The following ARVCF variants were observed in gnomAD, a reference collection of about 807,000 sequenced individuals.
ARVCF encodes the protein splicing regulator ARVCF.
Under a neutral mutation model 90.9 loss-of-function variants are expected in ARVCF, and 66 were observed. That is an observed-to-expected ratio of 0.73 (90% confidence interval 0.60 to 0.89). ARVCF has a LOEUF of 0.89. Among genes scored for constraint, ARVCF ranks in the 40% least tolerant of loss-of-function variants. ARVCF has a pLI of 0.00. For synonymous variants in ARVCF, 653 were observed against 603.4 expected (o/e 1.08, Z -1.21); for missense variants, 1,469 against 1,382.3 (o/e 1.06, Z -1.00).
intron 7 of ARVCF, 142 bp from the exon 8 acceptor site, chr22:19,978,217 T>C: frequency 4.4e-6 from 3 of 680,600 alleles, no homozygotes; most frequent in Non-Finnish European, 7.0e-6. Context: ...CCCCACAGTC[T>C]GGAGCTCAGT....
At chr22:19,974,745 C>T (rs1943055137) in intron 11 of ARVCF, among the ~76,000 whole-genome samples, 1 of 152,116 alleles carries the variant, frequency 6.6e-6, no homozygotes, top group South Asian at 2.1e-4. Flanking sequence ...CCACCCTCCC[C>T]CACTGACAAT....
intron 17 of ARVCF, 114 bp downstream of exon 17, chr22:19,972,244 C>G: frequency 6.9e-7 from 1 of 1,452,770 alleles, no homozygotes; most frequent in Non-Finnish European, 9.6e-7. Flanking sequence ...CACCCCTAAA[C>G]CAAATATCTC....
chr22:20,008,464 C>T (rs1004177050), intron 2 of ARVCF, among the ~76,000 whole-genome samples: 1 of 152,244 alleles, frequency 6.6e-6, no homozygotes, highest in Non-Finnish European at 1.5e-5. Flanking sequence ...CCACAGTTGG[C>T]CACTGGTTCC....
chr22:19,970,207 T>G lies in ARVCF; in HGVS notation c.*549A>C. 1.0e-6 allele frequency: 1 copy of G among 989,514 alleles called. No individual in the cohort carries two copies. The highest frequency in any genetic ancestry group is 1.2e-6 in the Non-Finnish European group (1 of 832,262). The allele number at this position is 989,514 out of a possible 1,614,324, so 61.3% of individuals were successfully genotyped here. A position where few individuals can be genotyped will look rare whatever the true frequency, so the allele number is the denominator to read the frequency against. On this transcript the variant is annotated 3_prime_UTR_variant, in exon 20 of 20. Coordinates refer to ENST00000263207, the MANE Select transcript of ARVCF (RefSeq NM_001670.3). Reference sequence around the variant, plus strand: ...GGGCACCTGTAGCCTGACCCCCACCTTGCTGCTTCCAAAGCTTCCTTGCCC... The same window carrying G: ...GGGCACCTGTAGCCTGACCCCCACCGTGCTGCTTCCAAAGCTTCCTTGCCC...
At chr22:20,010,031 C>T (rs932441112) in intron 2 of ARVCF, among the ~76,000 whole-genome samples, 3 of 152,306 alleles carry the variant, frequency 2.0e-5, no homozygotes, top group African/African-American at 4.8e-5. Flanking sequence ...ATCCTCTGTC[C>T]CTGTGGCTCC....
At chr22:19,986,020 C>T (rs1324996455) in intron 3 of ARVCF, among the ~76,000 whole-genome samples, 2 of 152,254 alleles carry the variant, frequency 1.3e-5, no homozygotes, top group Admixed American at 1.3e-4. Flanking sequence ...CAGCCTCTGA[C>T]CAGTCTCCAA....
chr22:19,967,062 C>G, downstream of ARVCF: 1 of 1,219,254 alleles, frequency 8.2e-7, no homozygotes, highest in Non-Finnish European at 1.1e-6. Flanking sequence ...CTTCTTTCCC[C>G]TCTTGACCAG....
Position 19,979,939 on chromosome 22 carries a change from C to G in ARVCF, c.1200G>C (p.Arg400=). 1 of 1,595,146 alleles carries G rather than the reference C, an allele frequency of 6.3e-7. No homozygotes were observed. The highest frequency in any genetic ancestry group is 1.1e-5 in the South Asian group (1 of 88,882). ...GCAGTGCCACAAGCAGCGGCAGCCCCCGCAACTGCCGTACACGCCGCTTGA... is the reference window on the plus strand; with the variant it reads ...GCAGTGCCACAAGCAGCGGCAGCCCGCGCAACTGCCGTACACGCCGCTTGA... ...EGVKRRVRQL[R]GLPLLVALLD... is the part of the protein sequence containing the mutation. The change falls in exon 6 of 20, where the codon CGG becomes CGC. Residue 400 remains arginine (R), a synonymous_variant. Transcript: ENST00000263207.
rs1489544082 is a variant in ARVCF at position 19,982,027 on chromosome 22, T to A, written c.275A>T (p.Glu92Val). The A allele has an allele frequency of 6.2e-7, 1 of 1,612,804 alleles. No homozygotes were observed. The highest frequency in any genetic ancestry group is 1.3e-5 in the African/African-American group (1 of 74,904). The change falls in exon 4 of 20, where the codon GAG (glutamate) becomes GTG (valine). Residue 92 changes from glutamate (E) to valine (V), a missense_variant. Coordinates refer to ENST00000263207, the MANE Select transcript of ARVCF (RefSeq NM_001670.3). ...TMPEAPDVLEETVTVEEDPGT... is the reference protein window; with the variant it reads ...TMPEAPDVLEVTVTVEEDPGT... ...GGGGTCCTCCTCCACCGTCACGGTCTCCTCCAGCACATCAGGTGCCTCCGG... is the reference window on the plus strand; with the variant it reads ...GGGGTCCTCCTCCACCGTCACGGTCACCTCCAGCACATCAGGTGCCTCCGG...
At chr22:19,971,368 T>C (rs1414475315) in intron 18 of ARVCF, 33 bp from the exon 19 acceptor site, 12 of 1,538,380 alleles carry the variant, frequency 7.8e-6, no homozygotes, top group Non-Finnish European at 1.0e-5. Context: ...AGAGGCACAA[T>C]AGAGCAGGTT....
At chr22:19,985,251 C>T (rs1943704351) in intron 3 of ARVCF, among the ~76,000 whole-genome samples, 1 of 152,188 alleles carries the variant, frequency 6.6e-6, no homozygotes, top group South Asian at 2.1e-4. Flanking sequence ...GCTCCTCTTG[C>T]ACCCCGCCCG....
intron 2 of ARVCF, among the ~76,000 whole-genome samples, chr22:19,998,839 C>T (rs1944348116): frequency 6.6e-6 from 1 of 152,170 alleles, no homozygotes; most frequent in African/African-American, 2.4e-5. Flanking sequence ...GCCGAGAGGA[C>T]TGGCCCTGGC....
At chr22:20,004,499 A>G (rs1230984040) in intron 2 of ARVCF, among the ~76,000 whole-genome samples, 1 of 152,098 alleles carries the variant, frequency 6.6e-6, no homozygotes, top group African/African-American at 2.4e-5. Flanking sequence ...AAAAAAAAGA[A>G]AAGAAAAAAA....
Position 20,000,397 on chromosome 22 carries a change from G to A in ARVCF, c.-18-9585C>T, listed in dbSNP as rs1944403996. On this transcript the variant is annotated intron_variant, in intron 2 of 19. Transcript: ENST00000263207. Reference sequence around the variant, plus strand: ...GCCTAGACACCAACCTCCAGCAAGTGCACAAAGTCCTGCCTTTCATATGCA... The same window carrying A: ...GCCTAGACACCAACCTCCAGCAAGTACACAAAGTCCTGCCTTTCATATGCA... Among the ~76,000 whole-genome samples, 7 of 152,226 alleles carry A rather than the reference G, an allele frequency of 4.6e-5. No individual in the cohort carries two copies. The South Asian group carries it at 1.2e-3, about 27-fold the overall frequency.
chr22:20,007,233 T>C (rs1393738206), intron 2 of ARVCF, among the ~76,000 whole-genome samples: 6 of 148,798 alleles, frequency 4.0e-5, no homozygotes, highest in Admixed American at 6.7e-5. Context: ...CCATCTCTAT[T>C]AAAAAAAAAA....
chr22:19,979,748 A>G lies in ARVCF; in HGVS notation c.1391T>C (p.Val464Ala), dbSNP rs1184450473. Residue 464 changes from valine (V) to alanine (A), a missense_variant, in exon 6 of 20, where the codon GTC (valine) becomes GCC (alanine). Physicochemically the swap from Val to Ala is moderately conservative, Grantham distance 64 (BLOSUM62 0). Coordinates refer to ENST00000263207, the MANE Select transcript of ARVCF (RefSeq NM_001670.3). ...AARDNEVREL[V>A]TGTLWNLSSY... ...CATGGCCAGGTCCCACTCACCAGTG[A>G]CAAGCTCACGGACCTCGTTGTCCCG... 1 of 1,596,576 alleles carries G rather than the reference A, an allele frequency of 6.3e-7. No individual in the cohort carries two copies. The highest frequency in any genetic ancestry group is 8.6e-7 in the Non-Finnish European group (1 of 1,168,580).
At chr22:19,993,447 T>C (rs1172630835) in intron 2 of ARVCF, among the ~76,000 whole-genome samples, 1 of 152,254 alleles carries the variant, frequency 6.6e-6, no homozygotes, top group Non-Finnish European at 1.5e-5. Flanking sequence ...GAGTGGATGC[T>C]GGGCAGAGTG....
At chr22:19,975,648 A>C in intron 11 of ARVCF, 38 bp downstream of exon 11, 1 of 1,611,150 alleles carries the variant, frequency 6.2e-7, no homozygotes. Flanking sequence ...GAGCCCAGAC[A>C]TCCCCCAGTG....
At chr22:19,980,338 AC>A in intron 5 of ARVCF, 96 bp from the exon 6 acceptor site, 7 of 1,427,610 alleles carry the variant, frequency 4.9e-6, no homozygotes, top group Non-Finnish European at 6.4e-6. Context: ...CTGCAAACTC[AC>A]CCAGCAGCGC....
Sources: allele counts gnomAD v4.1 joint callset (sites outside exome capture counted in the v4.1 genomes callset), GRCh38; gene constraint gnomAD v4.1.1; transcripts MANE v1.5; gene names NCBI Gene and HGNC (gene_info 2026-07-23, HGNC 2026-07-21).